Variants in FHOD3 observed in about 807,000 individuals in gnomAD.
The protein encoded by FHOD3 is formin homology 2 domain containing 3.
A neutral mutation model predicts 173.0 loss-of-function variants in FHOD3; 90 were observed. The ratio of observed to expected loss-of-function variants is 0.52; its 90% CI spans 0.44 to 0.62. The LOEUF is 0.62. Ranked by LOEUF, FHOD3 falls within the 20% of genes least tolerant of loss-of-function variation. FHOD3 has a pLI of 0.00. For synonymous variants in FHOD3, 828 were observed against 823.0 expected, an observed-to-expected ratio of 1.01 and a Z score of -0.10; for missense variants, 1,945 against 2,034.7, an observed-to-expected ratio of 0.96 and a Z score of 0.85.
intron 4 of FHOD3, among the ~76,000 whole-genome samples, chr18:36,503,619 C>T (rs2055149422): frequency 6.6e-6 from 1 of 152,144 alleles, no homozygotes; most frequent in African/African-American, 2.4e-5. Context: ...TCGGAAATGC[C>T]TTGGGGTTTA....
At chr18:36,329,241 A>AC (rs1288285726) in intron 1 of FHOD3, among the ~76,000 whole-genome samples, 1 of 152,080 alleles carries the variant, frequency 6.6e-6, no homozygotes, top group Non-Finnish European at 1.5e-5. Flanking sequence ...TATCTGCACC[A>AC]CCCACAGAAG....
intron 3 of FHOD3, among the ~76,000 whole-genome samples, chr18:36,404,770 C>T (rs974354681): frequency 6.6e-6 from 1 of 152,166 alleles, no homozygotes; most frequent in Non-Finnish European, 1.5e-5. Context: ...TTCCTCCATC[C>T]TTGGACCTGA....
chr18:36,768,125 G>A (rs1383954751), intron 27 of FHOD3, among the ~76,000 whole-genome samples: 2 of 152,190 alleles, frequency 1.3e-5, no homozygotes, highest in African/African-American at 2.4e-5. Context: ...GGTTTTTGAA[G>A]TTGTTGTGCA....
At chr18:36,686,689 G>C (rs1226279149) in intron 15 of FHOD3, among the ~76,000 whole-genome samples, 2 of 151,778 alleles carry the variant, frequency 1.3e-5, no homozygotes, top group African/African-American at 2.4e-5. Context: ...AGCTTGTGGA[G>C]TGCAACATAG....
intron 10 of FHOD3, among the ~76,000 whole-genome samples, chr18:36,628,171 G>A (rs376559705): frequency 4.6e-5 from 7 of 152,256 alleles, no homozygotes; most frequent in Admixed American, 2.0e-4. Context: ...TAACTCTCAC[G>A]ATCATCCTCT....
chr18:36,573,403 GA>G (rs1203367222), intron 5 of FHOD3, among the ~76,000 whole-genome samples: 1 of 148,808 alleles, frequency 6.7e-6, no homozygotes, highest in Non-Finnish European at 1.5e-5. Context: ...CCAGGAGTTT[GA>G]AACCAGCCTG....
chr18:36,502,758 C>A (rs2055104611), intron 4 of FHOD3, among the ~76,000 whole-genome samples: 1 of 152,128 alleles, frequency 6.6e-6, no homozygotes, highest in Non-Finnish European at 1.5e-5. Context: ...TATGCTCCCC[C>A]ATCCCAAACA....
chr18:36,401,568 T>C (rs1374139027), intron 3 of FHOD3, among the ~76,000 whole-genome samples: 1 of 152,218 alleles, frequency 6.6e-6, no homozygotes, highest in Admixed American at 6.5e-5. Context: ...CCCAGGATCT[T>C]GCTCTGTGTA....
intron 15 of FHOD3, 86 bp downstream of exon 15, chr18:36,681,656 C>A: frequency 5.1e-6 from 7 of 1,381,616 alleles, no homozygotes; most frequent in South Asian, 3.0e-5. Context: ...TTAATATTGG[C>A]ATTAAAGGAA....
In FHOD3 at chr18:36,687,150, G is replaced by C; in HGVS notation, c.1993G>C (p.Glu665Gln). The change falls in exon 16 of 29, where the codon GAG (glutamate) becomes CAG (glutamine). Residue 665 changes from glutamate to glutamine, a missense_variant. By Grantham distance (29) the Glu-to-Gln change is conservative. This residue lies in a region of FHOD3 where 1,099 missense variants were observed against 1,051.2 expected (regional missense o/e 1.05). Transcript: ENST00000590592. ...KFSRDYLDKR[E>Q]EQRQAREERY... ...TAGCCGAGATTATTTAGACAAAAGA[G>C]AGGAGCAAAGGCAAGCAAGAGAAGA... The C allele has an allele frequency of 6.2e-7, 1 of 1,611,724 alleles. No individual in the cohort carries two copies. Among genetic ancestry groups the C allele is most frequent in the East Asian group, 2.2e-5 (1 of 44,804 alleles).
intron 3 of FHOD3, among the ~76,000 whole-genome samples, chr18:36,453,237 G>GA (rs1162936433): frequency 2.6e-5 from 4 of 152,174 alleles, no homozygotes; most frequent in African/African-American, 4.8e-5. Flanking sequence ...AGGGTAAAGG[G>GA]ATTGGCTTAA....
At chr18:36,692,255 C>T (rs1039021447) in intron 16 of FHOD3, among the ~76,000 whole-genome samples, 17 of 152,248 alleles carry the variant, frequency 1.1e-4, no homozygotes, top group African/African-American at 4.1e-4. Flanking sequence ...TGAGGAACAC[C>T]ATGTCTAATG....
chr18:36,524,225 T>G (rs1448709044), intron 5 of FHOD3, among the ~76,000 whole-genome samples: 1 of 148,568 alleles, frequency 6.7e-6, no homozygotes, highest in Non-Finnish European at 1.5e-5. Context: ...GAGGTTGCAG[T>G]GAACCGAGAC....
At chr18:36,687,725 A>T (rs1367753960) in intron 16 of FHOD3, among the ~76,000 whole-genome samples, 1 of 152,224 alleles carries the variant, frequency 6.6e-6, no homozygotes, top group African/African-American at 2.4e-5. Flanking sequence ...GGGACTTAGG[A>T]ATAATATATG....
At chr18:36,591,990 A>G (rs756852750) in intron 6 of FHOD3, among the ~76,000 whole-genome samples, 2 of 152,238 alleles carry the variant, frequency 1.3e-5, no homozygotes, top group African/African-American at 4.8e-5. Flanking sequence ...AGGCCGAGGC[A>G]GGCAGATCAC....
At chr18:36,687,727 T>A (rs1568608750) in intron 16 of FHOD3, among the ~76,000 whole-genome samples, 1 of 152,210 alleles carries the variant, frequency 6.6e-6, no homozygotes, top group African/African-American at 2.4e-5. Context: ...GACTTAGGAA[T>A]AATATATGGA....
At chr18:36,389,497 G>A (rs1337880341) in intron 3 of FHOD3, among the ~76,000 whole-genome samples, 1 of 152,136 alleles carries the variant, frequency 6.6e-6, no homozygotes. Context: ...CAATCACGCA[G>A]CTGTGACTGG....
At chr18:36,709,754 T>A (rs1213731810) in intron 18 of FHOD3, 2 of 194,168 alleles carry the variant, frequency 1.0e-5, no homozygotes, top group Non-Finnish European at 2.1e-5. Context: ...TTGATAATAG[T>A]AAGGCTTTTT....
chr18:36,460,630 A>G (rs2052494224), intron 3 of FHOD3, among the ~76,000 whole-genome samples: 1 of 152,212 alleles, frequency 6.6e-6, no homozygotes, highest in Admixed American at 6.5e-5. Context: ...ACATGTGTTT[A>G]CAGTGCCAGT....
Sources: gnomAD v4.1 joint callset for allele counts (sites outside exome capture counted in the v4.1 genomes callset) on GRCh38, gnomAD v4.1.1 for gene constraint, gnomAD v4.1.1 regional missense constraint, MANE v1.5 for transcripts, NCBI Gene and HGNC (gene_info 2026-07-23, HGNC 2026-07-21) for gene names.